RERG: variants seen among roughly 807,000 people sequenced by gnomAD.
The protein encoded by RERG is RAS like estrogen regulated growth inhibitor, also known as ras-related and estrogen-regulated growth inhibitor.
Under a neutral mutation model 23.2 loss-of-function variants are expected in RERG, and 25 were observed. That is an observed-to-expected ratio of 1.08 (90% CI 0.79 to 1.50). The LOEUF is 1.50. Among genes scored for constraint, RERG ranks in the 40% most tolerant of loss-of-function variants. The probability of loss-of-function intolerance (pLI) is 0.00; values close to 1 mark genes in which losing one functional copy is unlikely to be tolerated. For synonymous variants in RERG, 81 were observed against 89.1 expected (o/e 0.91, Z 0.51); for missense variants, 253 against 250.1 (o/e 1.01, Z -0.08).
chr12:15,132,104 A>G (rs1357584565), intron 2 of RERG, among the ~76,000 whole-genome samples: 1 of 152,144 alleles, frequency 6.6e-6, no homozygotes, highest in East Asian at 1.9e-4. Flanking sequence ...TGACATGAAC[A>G]TCTTTTTGTT....
At chr12:15,212,399 G>A (rs1371365458) in intron 2 of RERG, among the ~76,000 whole-genome samples, 1 of 152,076 alleles carries the variant, frequency 6.6e-6, no homozygotes, top group Non-Finnish European at 1.5e-5. Flanking sequence ...GTCCATTTTA[G>A]TCACTGAGTT....
intron 2 of RERG, among the ~76,000 whole-genome samples, chr12:15,148,847 G>GTTTTTTTTTTTTTTT (rs56033971): frequency 2.2e-5 from 1 of 45,530 alleles, no homozygotes; most frequent in African/African-American, 5.9e-5. Context: ...CTTTAACTCT[G>GTTTTTTTTTTTTTTT]TTTTTTTTTT....
chr12:15,113,141 TG>T (rs963435910), intron 3 of RERG, among the ~76,000 whole-genome samples: 3 of 152,258 alleles, frequency 2.0e-5, no homozygotes, highest in Admixed American at 6.5e-5. Context: ...AGGGTGAAGA[TG>T]GGGGAAAAGG....
At chr12:15,123,859 A>G (rs1863886616) in intron 2 of RERG, among the ~76,000 whole-genome samples, 1 of 152,046 alleles carries the variant, frequency 6.6e-6, no homozygotes, top group African/African-American at 2.4e-5. Flanking sequence ...ATTAGTAGTT[A>G]CTGTTGAGTC....
chr12:15,125,323 T>C (rs915484865), intron 2 of RERG, among the ~76,000 whole-genome samples: 1 of 152,054 alleles, frequency 6.6e-6, no homozygotes, highest in Non-Finnish European at 1.5e-5. Context: ...GAATTATTTT[T>C]CCTATGTTTA....
At chr12:15,218,489 A>G (rs1350429820) in intron 1 of RERG, among the ~76,000 whole-genome samples, 1 of 152,066 alleles carries the variant, frequency 6.6e-6, no homozygotes, top group Non-Finnish European at 1.5e-5. Flanking sequence ...AGGACATAAC[A>G]ATCATTCCAT....
Position 15,126,128 on chromosome 12 carries a change from C to CATATAT in RERG, c.62-5015_62-5010dup, listed in dbSNP as rs67901734. ...ATTCCATGGAGAATGTTGTATATACCATATATATATATATATATATATATG... is the reference window on the plus strand; with the variant it reads ...ATTCCATGGAGAATGTTGTATATACCATATATATATATATATATATATATATATATG... On this transcript the variant is annotated intron_variant, in intron 2 of 4. Coordinates refer to ENST00000256953, the MANE Select transcript of RERG (RefSeq NM_032918.3). 3.3e-3 allele frequency among the ~76,000 whole-genome samples: 290 copies of CATATAT among 89,090 alleles called. 11 individuals carry two copies. The highest frequency in any genetic ancestry group is 6.8e-3 in the Middle Eastern group (1 of 148). 58.4% of individuals were successfully genotyped at this position (89,090 alleles called of 152,430 possible).
intron 2 of RERG, among the ~76,000 whole-genome samples, chr12:15,207,739 T>C (rs1415207413): frequency 1.3e-5 from 2 of 149,470 alleles, no homozygotes; most frequent in African/African-American, 2.6e-5. Flanking sequence ...GTAGCTAGAC[T>C]ATAGAAGAAG....
rs146050653 is a variant in RERG, at chr12:15,205,342, C to T, written c.61+12087G>A. On this transcript the variant is annotated intron_variant, in intron 2 of 4. Transcript: ENST00000256953. ...AGGATTTTCACAAATATTTGTAAAC[C>T]GATAAGTGGGAGACCTAAGAAATCG... Among the ~76,000 whole-genome samples the T allele has an allele frequency of 8.6e-3, 1,307 of 151,952 alleles. 15 individuals carry two copies. Among genetic ancestry groups the T allele is most frequent in the Non-Finnish European group, 9.1e-3 (615 of 67,872 alleles).
At chr12:15,149,992 T>A (rs111706410) in intron 2 of RERG, among the ~76,000 whole-genome samples, 104 of 152,272 alleles carry the variant, frequency 6.8e-4, no homozygotes, top group African/African-American at 2.3e-3. Context: ...CATTTGCATA[T>A]GCAGGGTATA....
intron 3 of RERG, among the ~76,000 whole-genome samples, chr12:15,120,103 G>A (rs1863804170): frequency 6.6e-6 from 1 of 151,986 alleles, no homozygotes; most frequent in Non-Finnish European, 1.5e-5. Context: ...AATAACAGGA[G>A]GAAAATTGGT....
chr12:15,151,648 G>C (rs1017167383), intron 2 of RERG, among the ~76,000 whole-genome samples: 1 of 152,182 alleles, frequency 6.6e-6, no homozygotes, highest in South Asian at 2.1e-4. Context: ...GTAATGTCCA[G>C]GAACTGAATG....
At chr12:15,183,236 G>A (rs185290106) in intron 2 of RERG, among the ~76,000 whole-genome samples, 5 of 152,038 alleles carry the variant, frequency 3.3e-5, no homozygotes, top group African/African-American at 9.7e-5. Context: ...GTCTTTAATG[G>A]TTTAGAATAT....
intron 2 of RERG, among the ~76,000 whole-genome samples, chr12:15,210,473 A>G (rs10846159): frequency 0.33 from 50,026 of 151,984 alleles, 8,353 homozygotes; most frequent in African/African-American, 0.38. Flanking sequence ...TTCCCCCCCA[A>G]TCATATTTTT....
intron 2 of RERG, among the ~76,000 whole-genome samples, chr12:15,177,393 C>T (rs1259039564): frequency 6.6e-6 from 1 of 152,126 alleles, no homozygotes; most frequent in African/African-American, 2.4e-5. Context: ...GTGGAGGTTG[C>T]AGTGAGCCAA....
chr12:15,131,387 T>C (rs1005965488), intron 2 of RERG, among the ~76,000 whole-genome samples: 2 of 152,214 alleles, frequency 1.3e-5, no homozygotes, highest in African/African-American at 4.8e-5. Context: ...TAATAACTTA[T>C]ATTTCATTCC....
At position 15,194,084 on chromosome 12, in the gene RERG, A is replaced by C. The variant is rs545033188; in HGVS notation, c.61+23345T>G. On this transcript the variant is annotated intron_variant, in intron 2 of 4. Transcript: ENST00000256953. ...AACAATGACTCATGAACTCTGTGCA[A>C]GAATTTAAGATTATTTCCCTGTTTT... 2.6e-5 allele frequency among the ~76,000 whole-genome samples: 4 copies of C among 152,296 alleles called. No homozygotes were observed. In the South Asian group the frequency reaches 8.3e-4, roughly 32 times the overall value.
At chr12:15,193,242 G>A (rs370050210) in intron 2 of RERG, among the ~76,000 whole-genome samples, 44 of 152,090 alleles carry the variant, frequency 2.9e-4, no homozygotes, top group African/African-American at 9.9e-4. Flanking sequence ...TCAGTTATTT[G>A]TTTCGGTATG....
intron 1 of RERG, among the ~76,000 whole-genome samples, chr12:15,218,585 C>A (rs1329616699): frequency 1.3e-5 from 2 of 152,070 alleles, no homozygotes; most frequent in Non-Finnish European, 2.9e-5. Context: ...TTAGGAGGAA[C>A]TATCTTTCTA....
Sources: gnomAD v4.1 joint callset for allele counts (sites outside exome capture counted in the v4.1 genomes callset) on GRCh38, gnomAD v4.1.1 for gene constraint, MANE v1.5 for transcripts, NCBI Gene and HGNC (gene_info 2026-07-23, HGNC 2026-07-21) for gene names.